Variants in STK40 observed in about 807,000 individuals in gnomAD.
The protein encoded by STK40 is serine/threonine-protein kinase 40.
Under a neutral mutation model 47.9 loss-of-function variants are expected in STK40, and 13 were observed. That is an observed-to-expected ratio of 0.27 (90% CI 0.18 to 0.43). STK40 has a LOEUF of 0.43. Among genes scored for constraint, STK40 ranks in the 20% least tolerant of loss-of-function variants. The pLI is 1.00. For missense variants in STK40, 460 were observed against 595.1 expected (o/e 0.77, Z 2.36); for synonymous variants, 225 against 243.2 (o/e 0.93, Z 0.69).
At chr1:36,371,326 G>A (rs188665035) in intron 1 of STK40, among the ~76,000 whole-genome samples, 5 of 151,210 alleles carry the variant, frequency 3.3e-5, no homozygotes, top group Admixed American at 1.3e-4. Flanking sequence ...AGGCTGAGGC[G>A]GGTGGATCAT....
intron 1 of STK40, among the ~76,000 whole-genome samples, chr1:36,368,527 C>G (rs1445650008): frequency 6.6e-6 from 1 of 152,202 alleles, no homozygotes; most frequent in Admixed American, 6.5e-5. Flanking sequence ...GCTAGGATTA[C>G]AGGCGTGAGC....
intron 6 of STK40, among the ~76,000 whole-genome samples, chr1:36,350,347 A>C (rs1473556899): frequency 6.6e-6 from 1 of 152,156 alleles, no homozygotes; most frequent in Admixed American, 6.5e-5. Flanking sequence ...CACAGAGCAG[A>C]GGCACTGTGG....
At chr1:36,373,266 A>C (rs955274590) in intron 1 of STK40, among the ~76,000 whole-genome samples, 2 of 152,130 alleles carry the variant, frequency 1.3e-5, no homozygotes, top group East Asian at 3.8e-4. Context: ...CTCCGTGCTG[A>C]GGCCGCTTCC....
chr1:36,349,224 G>A (rs1031133459), intron 6 of STK40, among the ~76,000 whole-genome samples: 2 of 152,230 alleles, frequency 1.3e-5, no homozygotes, highest in Admixed American at 6.5e-5. Flanking sequence ...TCACACATGA[G>A]GAAAAGGAAG....
intron 1 of STK40, among the ~76,000 whole-genome samples, chr1:36,370,439 T>C (rs1646935499): frequency 6.6e-6 from 1 of 152,220 alleles, no homozygotes; most frequent in Non-Finnish European, 1.5e-5. Context: ...TCCAACCACT[T>C]GCGCTTCTCT....
chr1:36,366,497 G>A (rs1345950259), intron 1 of STK40, among the ~76,000 whole-genome samples: 3 of 152,202 alleles, frequency 2.0e-5, no homozygotes, highest in African/African-American at 7.2e-5. Flanking sequence ...AGGCTTACTA[G>A]TAGGGTGAGC....
chr1:36,362,669 T>C (rs1392927823), intron 1 of STK40: 1 of 152,136 alleles, frequency 6.6e-6, no homozygotes, highest in Non-Finnish European at 1.5e-5. Context: ...GCAGAAACAT[T>C]AGAAAATACG....
At chr1:36,368,438 G>A (rs1209849156) in intron 1 of STK40, among the ~76,000 whole-genome samples, 1 of 152,202 alleles carries the variant, frequency 6.6e-6, no homozygotes, top group African/African-American at 2.4e-5. Flanking sequence ...GTTTTGTAGA[G>A]AGGAGGTCTT....
rs1646648614 is a variant in STK40, at chr1:36,341,671, A to G, written c.*84T>C. 6.6e-7 allele frequency: 1 copy of G among 1,525,898 alleles called. No homozygotes were observed. The highest frequency in any genetic ancestry group is 1.4e-5 in the African/African-American group (1 of 73,354). 94.5% of individuals were successfully genotyped at this position (1,525,898 alleles called of 1,614,324 possible). On this transcript the variant is annotated 3_prime_UTR_variant, in exon 11 of 11. Transcript: ENST00000373132. ...CTATTGTGGCCCGGGAGAGTCCAGCACTACAGGGCCCAGCCCTGACAGCCA... is the reference window on the plus strand; with the variant it reads ...CTATTGTGGCCCGGGAGAGTCCAGCGCTACAGGGCCCAGCCCTGACAGCCA...
chr1:36,383,925 C>T (rs1307843049), intron 1 of STK40, among the ~76,000 whole-genome samples: 1 of 152,114 alleles, frequency 6.6e-6, no homozygotes, highest in African/African-American at 2.4e-5. Flanking sequence ...TTTCATGGCA[C>T]ACTCCCGTCC....
intron 1 of STK40, among the ~76,000 whole-genome samples, chr1:36,372,420 T>C (rs1325655435): frequency 1.0e-5 from 1 of 97,164 alleles, no homozygotes; most frequent in African/African-American, 4.6e-5. Flanking sequence ...TGAGACCTTG[T>C]CTCAAAAAAA....
rs1264160638 is a variant in STK40 at position 36,340,152 on chromosome 1, T to A, written c.*1603A>T. 8 of 152,752 alleles carry A rather than the reference T, an allele frequency of 5.2e-5. No individual in the cohort carries two copies. Among genetic ancestry groups the A allele is most frequent in the African/African-American group, 1.9e-4 (8 of 41,448 alleles). 9.5% of individuals were successfully genotyped at this position (152,752 alleles called of 1,614,324 possible). A position where few individuals can be genotyped will look rare whatever the true frequency, so the allele number is the denominator to read the frequency against. On this transcript the variant is annotated 3_prime_UTR_variant, in exon 11 of 11. Coordinates refer to ENST00000373132, the MANE Select transcript of STK40 (RefSeq NM_001282547.2). Reference sequence around the variant, plus strand: ...GCTGAGACAGACGCAGGCTCGCTGCTCAGGGGGAGTAAGTGCTGGGCTCCA... The same window carrying A: ...GCTGAGACAGACGCAGGCTCGCTGCACAGGGGGAGTAAGTGCTGGGCTCCA...
rs550476903 is a variant in STK40 at position 36,351,183 on chromosome 1, G to C, written c.624-2368C>G. Among the ~76,000 whole-genome samples the C allele has an allele frequency of 5.3e-5, 8 of 152,304 alleles. No individual in the cohort carries two copies. In the South Asian group the frequency reaches 1.7e-3, roughly 32 times the overall value. On this transcript the variant is annotated intron_variant, in intron 6 of 10. Coordinates refer to ENST00000373132, the MANE Select transcript of STK40 (RefSeq NM_001282547.2). ...CCAAAAAGAAAGGAGGAAGGAAAAA[G>C]ACCCCACAGCACCTCACATAACCCC...
chr1:36,357,720 G>A (rs554773861), intron 4 of STK40, among the ~76,000 whole-genome samples: 4 of 152,292 alleles, frequency 2.6e-5, no homozygotes, highest in South Asian at 4.1e-4. Context: ...GGGCTCAAGC[G>A]ATTCTCCTGC....
intron 2 of STK40, 97 bp from the exon 3 acceptor site, chr1:36,358,919 G>A (rs975704411): frequency 1.5e-6 from 2 of 1,360,202 alleles, no homozygotes; most frequent in Non-Finnish European, 2.1e-6. Context: ...CTATTCAGGA[G>A]GGCACCATAG....
chr1:36,344,276 C>A lies in STK40; in HGVS notation c.740-12G>T. On this transcript the variant is annotated splice_polypyrimidine_tract_variant and intron_variant, in intron 7 of 10. Coordinates refer to ENST00000373132, the MANE Select transcript of STK40 (RefSeq NM_001282547.2). ...ACGGTACGGCCGGCCTACGGGCACACACATACCACACTGTCTTCAGGCCAC... is the reference window on the plus strand; with the variant it reads ...ACGGTACGGCCGGCCTACGGGCACAAACATACCACACTGTCTTCAGGCCAC... 6.3e-7 allele frequency: 1 copy of A among 1,580,042 alleles called. No individual in the cohort carries two copies. Among genetic ancestry groups the A allele is most frequent in the South Asian group, 1.2e-5 (1 of 85,924 alleles).
At chr1:36,381,862 C>T (rs1055380496) in intron 1 of STK40, among the ~76,000 whole-genome samples, 2 of 152,154 alleles carry the variant, frequency 1.3e-5, no homozygotes, top group African/African-American at 4.8e-5. Flanking sequence ...TCACTTCTTC[C>T]ACTGGGTTCC....
chr1:36,358,841 C>T lies in STK40; in HGVS notation c.113-19G>A. On this transcript the variant is annotated intron_variant, in intron 2 of 10. Coordinates refer to ENST00000373132, the MANE Select transcript of STK40 (RefSeq NM_001282547.2). ...CGGGGACCTACGGCACAGAGAGCTG[C>T]TGGTCTACTTTTCAGAAGCCCTGGC... 1 of 1,614,052 alleles carries T rather than the reference C, an allele frequency of 6.2e-7. No individual in the cohort carries two copies.
At chr1:36,372,581 T>TGCTTCCTCAACTGCCCC (rs1646959133) in intron 1 of STK40, 1 of 152,280 alleles carries the variant, frequency 6.6e-6, no homozygotes, top group African/African-American at 2.4e-5. Context: ...CTGACTGCAC[T>TGCTTCCTCAACTGCCCC]GCTTCCTCAA....
Sources: gnomAD v4.1 joint callset for allele counts (sites outside exome capture counted in the v4.1 genomes callset) on GRCh38, gnomAD v4.1.1 for gene constraint, MANE v1.5 for transcripts, NCBI Gene and HGNC (gene_info 2026-07-23, HGNC 2026-07-21) for gene names.